The following FILIP1L variants were observed in gnomAD, a reference collection of about 807,000 sequenced individuals.
FILIP1L encodes filamin A-interacting protein 1-like.
A neutral mutation model predicts 96.6 loss-of-function variants in FILIP1L; 55 were observed. The ratio of observed to expected loss-of-function variants is 0.57; its 90% CI spans 0.46 to 0.71. The LOEUF (loss-of-function observed/expected upper bound fraction) is 0.71. Ranked by LOEUF, FILIP1L falls within the 30% of genes least tolerant of loss-of-function variation. The pLI is 0.00. For missense variants in FILIP1L, 1,304 were observed against 1,321.2 expected, an observed-to-expected ratio of 0.99 and a Z score of 0.20; for synonymous variants, 467 against 473.9, an observed-to-expected ratio of 0.99 and a Z score of 0.19.
At chr3:100,015,728 T>G (rs1710320764) in intron 1 of FILIP1L, among the ~76,000 whole-genome samples, 1 of 152,200 alleles carries the variant, frequency 6.6e-6, no homozygotes. Flanking sequence ...TTCATCAAGC[T>G]GTAAGTTCCT....
chr3:99,988,225 C>T (rs1196518986), intron 1 of FILIP1L, among the ~76,000 whole-genome samples: 1 of 151,140 alleles, frequency 6.6e-6, no homozygotes, highest in Non-Finnish European at 1.5e-5. Context: ...TGGCCGGGCG[C>T]AGTGCCTCAC....
At chr3:100,036,928 A>G (rs2107276948) in intron 1 of FILIP1L, among the ~76,000 whole-genome samples, 1 of 152,318 alleles carries the variant, frequency 6.6e-6, no homozygotes, top group East Asian at 1.9e-4. Flanking sequence ...ATTTAATATT[A>G]AGGAAATATC....
At chr3:100,108,545 G>T (rs2066432527) in intron 1 of FILIP1L, among the ~76,000 whole-genome samples, 1 of 152,098 alleles carries the variant, frequency 6.6e-6, no homozygotes, top group South Asian at 2.1e-4. Context: ...ATGCATTGTG[G>T]TACATTCTGG....
Position 99,991,975 on chromosome 3 carries a change from C to CACAT in FILIP1L, c.-10-60946_-10-60945insATGT, listed in dbSNP as rs1487263369. Among the ~76,000 whole-genome samples, 1,328 of 146,504 alleles carry CACAT rather than the reference C, an allele frequency of 9.1e-3. 11 individuals are homozygous for CACAT. Among genetic ancestry groups the CACAT allele is most frequent in the African/African-American group, 0.018 (697 of 39,554 alleles). ...GTATATATGTGTGTATATATACACA[C>CACAT]ATATATGTGTATATATACGTATATA... On this transcript the variant is annotated intron_variant, in intron 1 of 5. Transcript: ENST00000477258.
At chr3:99,941,618 A>G (rs1371187430) in intron 1 of FILIP1L, among the ~76,000 whole-genome samples, 3 of 152,220 alleles carry the variant, frequency 2.0e-5, no homozygotes, top group African/African-American at 7.2e-5. Context: ...AAGGGAGATG[A>G]AACAACCATG....
chr3:99,977,919 G>GA (rs1292521249), intron 1 of FILIP1L, among the ~76,000 whole-genome samples: 2 of 151,996 alleles, frequency 1.3e-5, no homozygotes, highest in Non-Finnish European at 2.9e-5. Flanking sequence ...TAACCTAAAA[G>GA]AAAAAATTGC....
At chr3:100,108,944 T>A (rs1576072502) in intron 1 of FILIP1L, among the ~76,000 whole-genome samples, 2 of 152,234 alleles carry the variant, frequency 1.3e-5, no homozygotes, top group South Asian at 4.1e-4. Flanking sequence ...TTTCGCAACA[T>A]GGCATTTGGA....
chr3:100,080,188 T>C (rs1410740398), intron 1 of FILIP1L, among the ~76,000 whole-genome samples: 1 of 152,200 alleles, frequency 6.6e-6, no homozygotes, highest in African/African-American at 2.4e-5. Context: ...CTCGCCATAT[T>C]GCCCAGGCTG....
At chr3:99,892,619 A>G (rs1559678239) in intron 4 of FILIP1L, among the ~76,000 whole-genome samples, 1 of 152,074 alleles carries the variant, frequency 6.6e-6, no homozygotes, top group East Asian at 1.9e-4. Flanking sequence ...CAGGCATCTC[A>G]TCCAAACCTG....
At chr3:100,020,033 G>A (rs1413795897) in intron 1 of FILIP1L, among the ~76,000 whole-genome samples, 1 of 151,972 alleles carries the variant, frequency 6.6e-6, no homozygotes. Context: ...AATTACCCTG[G>A]GTAGTAGCCA....
chr3:99,978,964 G>T (rs1314994750), intron 1 of FILIP1L, among the ~76,000 whole-genome samples: 3 of 152,190 alleles, frequency 2.0e-5, no homozygotes, highest in Middle Eastern at 3.4e-3. Context: ...GATATGGAGA[G>T]GTTGGTTAAC....
At chr3:99,895,892 T>C (rs887095801) in intron 4 of FILIP1L, among the ~76,000 whole-genome samples, 1 of 152,186 alleles carries the variant, frequency 6.6e-6, no homozygotes, top group Non-Finnish European at 1.5e-5. Context: ...TGTTGATGTT[T>C]GGTCAGGGCT....
At chr3:100,075,809 C>T (rs1331471753) in intron 1 of FILIP1L, among the ~76,000 whole-genome samples, 1 of 152,164 alleles carries the variant, frequency 6.6e-6, no homozygotes, top group Admixed American at 6.5e-5. Flanking sequence ...TGACCTGGGG[C>T]AATTTATCTC....
intron 4 of FILIP1L, among the ~76,000 whole-genome samples, chr3:99,868,120 A>G (rs1944611825): frequency 3.9e-5 from 6 of 152,162 alleles, no homozygotes; most frequent in Admixed American, 3.9e-4. Flanking sequence ...CTAGCTTTTA[A>G]GCCTTTTGCA....
chr3:99,929,514 G>GTA, intron 3 of FILIP1L, among the ~76,000 whole-genome samples: 1 of 44,436 alleles, frequency 2.3e-5, no homozygotes, highest in East Asian at 4.5e-4. Context: ...AGTTCCCAGA[G>GTA]TGTGTGTGTG....
intron 1 of FILIP1L, among the ~76,000 whole-genome samples, chr3:99,931,374 G>A (rs930633607): frequency 1.3e-5 from 2 of 151,638 alleles, no homozygotes; most frequent in African/African-American, 2.4e-5. Flanking sequence ...TGCTTAAGAC[G>A]TACTTAACAT....
chr3:99,885,863 C>T (rs1705878935), intron 4 of FILIP1L, among the ~76,000 whole-genome samples: 2 of 152,298 alleles, frequency 1.3e-5, no homozygotes, highest in South Asian at 4.2e-4. Flanking sequence ...CAATACAGCT[C>T]AACTCTGTAA....
At chr3:99,952,438 C>T (rs1456344461) in intron 1 of FILIP1L, among the ~76,000 whole-genome samples, 1 of 152,078 alleles carries the variant, frequency 6.6e-6, no homozygotes, top group Non-Finnish European at 1.5e-5. Flanking sequence ...CTACCCCAGC[C>T]CCAAAAATTC....
intron 5 of FILIP1L, among the ~76,000 whole-genome samples, chr3:99,832,519 T>G (rs1158004157): frequency 1.5e-5 from 2 of 132,384 alleles, no homozygotes; most frequent in African/African-American, 5.6e-5. Context: ...TGTGAGCCAC[T>G]GCGCCCAGCC....
Sources: gnomAD v4.1 joint callset for allele counts (sites outside exome capture counted in the v4.1 genomes callset) on GRCh38, gnomAD v4.1.1 for gene constraint, MANE v1.5 for transcripts, NCBI Gene and HGNC (gene_info 2026-07-23, HGNC 2026-07-21) for gene names.